Variants in STK33 observed in about 807,000 individuals in gnomAD.
The protein encoded by STK33 is serine/threonine kinase 33, also known as serine/threonine-protein kinase 33.
A neutral mutation model predicts 58.0 loss-of-function variants in STK33; 52 were observed. The ratio of observed to expected loss-of-function variants is 0.90; its 90% CI spans 0.72 to 1.13. The LOEUF (loss-of-function observed/expected upper bound fraction) is 1.13, where lower values mean the gene tolerates loss of function less well. Among genes scored for constraint, STK33 ranks in the 50% most tolerant of loss-of-function variants. The probability of loss-of-function intolerance (pLI) is 0.00; values close to 1 mark genes in which losing one functional copy is unlikely to be tolerated. For synonymous variants in STK33, 215 were observed against 200.1 expected (o/e 1.07, Z -0.63); for missense variants, 630 against 604.2 (o/e 1.04, Z -0.45).
At chr11:8,548,566 G>C (rs1361854762) in intron 1 of STK33, among the ~76,000 whole-genome samples, 1 of 152,060 alleles carries the variant, frequency 6.6e-6, no homozygotes, top group Non-Finnish European at 1.5e-5. Context: ...TGTTATTTTT[G>C]CTCACAATTC....
chr11:8,536,972 A>AAATTT (rs1565305538), intron 1 of STK33, among the ~76,000 whole-genome samples: 7 of 65,734 alleles, frequency 1.1e-4, no homozygotes, highest in South Asian at 7.6e-4. Context: ...AAAAAAAAAG[A>AAATTT]TTTTTTTTTT....
rs1288471183 is a variant in STK33, at chr11:8,480,435, T to C, written c.-286A>G. Reference sequence around the variant, plus strand: ...CTCCACTGTAGAGATTTCAATATTATAATGGGGATCCAGATCAGACCAAAC... The same window carrying C: ...CTCCACTGTAGAGATTTCAATATTACAATGGGGATCCAGATCAGACCAAAC... On this transcript the variant is annotated 5_prime_UTR_variant, in exon 2 of 16. Coordinates refer to ENST00000687296, the MANE Select transcript of STK33 (RefSeq NM_001352389.2). The C allele has an allele frequency of 6.6e-6, 1 of 152,176 alleles. No individual in the cohort carries two copies. The highest frequency in any genetic ancestry group is 6.5e-5 in the Admixed American group (1 of 15,286). 9.4% of individuals were successfully genotyped at this position (152,176 alleles called of 1,614,324 possible).
At chr11:8,539,658 T>C (rs1323450968) in intron 1 of STK33, among the ~76,000 whole-genome samples, 4 of 152,140 alleles carry the variant, frequency 2.6e-5, no homozygotes, top group Non-Finnish European at 2.9e-5. Flanking sequence ...CTACCTGAAA[T>C]TGCTTCTTCA....
the STK33 span, among the ~76,000 whole-genome samples, chr11:8,357,433 T>C: frequency 6.6e-6 from 1 of 152,324 alleles, no homozygotes; most frequent in Admixed American, 6.5e-5. Context: ...GGCCTTGAAA[T>C]ATAAATGAAG....
chr11:8,511,990 AAGCT>A (rs1433661277), intron 1 of STK33, among the ~76,000 whole-genome samples: 1 of 152,206 alleles, frequency 6.6e-6, no homozygotes, highest in Non-Finnish European at 1.5e-5. Flanking sequence ...TGATCAAAGA[AAGCT>A]ACTTATAAAG....
At chr11:8,381,349 C>T in the STK33 span, among the ~76,000 whole-genome samples, 5 of 152,102 alleles carry the variant, frequency 3.3e-5, no homozygotes, top group Non-Finnish European at 7.4e-5. Context: ...AAGGGGTATT[C>T]CAAGTAATCT....
chr11:8,440,686 C>A lies in STK33; in HGVS notation c.939G>T (p.Met313Ile), dbSNP rs199755441. Residue 313 changes from methionine (M) to isoleucine (I), a missense_variant, in exon 12 of 16, where the codon ATG (methionine) becomes ATT (isoleucine). By Grantham distance (10) the Met-to-Ile change is conservative (BLOSUM62 1). Transcript: ENST00000687296. The stretch of plus-strand genomic sequence containing the variant: ...TTTAGCAGGCTACTTACAACATGTA[C>A]ATTACGACGCCTATGCTCCAAATGT... ...QCDIWSIGVV[M>I]YMLLRGEPPF... is the part of the protein sequence containing the mutation. 2 of 1,563,536 alleles carry A rather than the reference C, an allele frequency of 1.3e-6. No homozygotes were observed. Among genetic ancestry groups the A allele is most frequent in the Non-Finnish European group, 8.7e-7 (1 of 1,151,914 alleles).
intron 1 of STK33, among the ~76,000 whole-genome samples, chr11:8,542,356 G>C (rs1204280078): frequency 2.0e-5 from 3 of 152,136 alleles, no homozygotes; most frequent in Admixed American, 1.3e-4. Flanking sequence ...ATCTGAAATA[G>C]GGAAACAACA....
At chr11:8,355,054 C>T in the STK33 span, among the ~76,000 whole-genome samples, 1 of 152,260 alleles carries the variant, frequency 6.6e-6, no homozygotes, top group Non-Finnish European at 1.5e-5. Context: ...GTTCAAGCAG[C>T]GGCCGCTGCC....
At chr11:8,370,615 C>T in the STK33 span, among the ~76,000 whole-genome samples, 3 of 152,180 alleles carry the variant, frequency 2.0e-5, no homozygotes, top group African/African-American at 7.2e-5. Context: ...GATACGGGGC[C>T]CAGACCTCCA....
At chr11:8,561,834 G>A (rs1957132920) in intron 1 of STK33, among the ~76,000 whole-genome samples, 1 of 152,122 alleles carries the variant, frequency 6.6e-6, no homozygotes, top group African/African-American at 2.4e-5. Context: ...GAGCCTGAGG[G>A]ATAACTGGAA....
chr11:8,354,271 C>T, the STK33 span, among the ~76,000 whole-genome samples: 5 of 151,992 alleles, frequency 3.3e-5, no homozygotes, highest in Admixed American at 3.3e-4. Flanking sequence ...CCAGAATCCT[C>T]CCATCCCTAC....
chr11:8,468,071 A>G (rs1240208810), intron 6 of STK33, among the ~76,000 whole-genome samples: 1 of 152,194 alleles, frequency 6.6e-6, no homozygotes, highest in Non-Finnish European at 1.5e-5. Context: ...TGGGCAATTT[A>G]CAAAATAAAG....
At chr11:8,406,686 A>T (rs1939275342) in intron 15 of STK33, among the ~76,000 whole-genome samples, 1 of 152,174 alleles carries the variant, frequency 6.6e-6, no homozygotes, top group African/African-American at 2.4e-5. Context: ...TAACAATACA[A>T]TTTTTATATA....
At chr11:8,416,232 G>T (rs1941101760) in intron 14 of STK33, among the ~76,000 whole-genome samples, 1 of 152,126 alleles carries the variant, frequency 6.6e-6, no homozygotes, top group South Asian at 2.1e-4. Flanking sequence ...TGGGAATGCT[G>T]ACACTACCAC....
Position 8,439,828 on chromosome 11 carries a change from C to CAT in STK33, c.947+848_947+849dup, listed in dbSNP as rs528909301. ...TCTGACACTTCTCCGTATACAAATA[C>CAT]ATATATATATGTATTAGATTACATA... On this transcript the variant is annotated intron_variant, in intron 12 of 15. Coordinates refer to ENST00000687296, the MANE Select transcript of STK33 (RefSeq NM_001352389.2). Among the ~76,000 whole-genome samples the CAT allele has an allele frequency of 1.5e-3, 200 of 131,872 alleles. 1 individual carries two copies. Among genetic ancestry groups the CAT allele is most frequent in the African/African-American group, 5.4e-3 (189 of 35,246 alleles). The allele number at this position is 131,872 out of a possible 152,430, so 86.5% of individuals were successfully genotyped here.
intron 5 of STK33, 123 bp from the exon 6 acceptor site, chr11:8,473,399 A>G: frequency 1.6e-6 from 1 of 629,452 alleles, no homozygotes; most frequent in Non-Finnish European, 2.8e-6. Context: ...TATGCACAAG[A>G]TTGTTTACTG....
chr11:8,555,341 C>T (rs1260537390), intron 1 of STK33, among the ~76,000 whole-genome samples: 1 of 151,982 alleles, frequency 6.6e-6, no homozygotes, highest in African/African-American at 2.4e-5. Context: ...TGACTATAGT[C>T]AGTAATAGCA....
intron 1 of STK33, among the ~76,000 whole-genome samples, chr11:8,543,440 G>C (rs780708509): frequency 1.8e-4 from 27 of 152,154 alleles, no homozygotes; most frequent in Non-Finnish European, 2.6e-4. Context: ...TCTGTAATTT[G>C]TAACAACATG....
Sources: gnomAD v4.1 joint callset for allele counts (sites outside exome capture counted in the v4.1 genomes callset) on GRCh38, gnomAD v4.1.1 for gene constraint, MANE v1.5 for transcripts, NCBI Gene and HGNC (gene_info 2026-07-23, HGNC 2026-07-21) for gene names.